TSPAN5: variants seen among roughly 807,000 people sequenced by gnomAD.
TSPAN5 encodes the protein tetraspanin 5, also known as tetraspanin-5.
In TSPAN5, 10 loss-of-function variants were observed where a neutral mutation model predicts 37.1. That is an observed-to-expected ratio of 0.27 (90% CI 0.17 to 0.46). The LOEUF (loss-of-function observed/expected upper bound fraction) is 0.46, where lower values mean the gene tolerates loss of function less well. Among genes scored for constraint, TSPAN5 ranks in the 20% least tolerant of loss-of-function variants. TSPAN5 has a pLI of 1.00. For synonymous variants in TSPAN5, 110 were observed against 118.9 expected (o/e 0.93, Z 0.48); for missense variants, 195 against 326.6 (o/e 0.60, Z 3.11).
intron 1 of TSPAN5, among the ~76,000 whole-genome samples, chr4:98,559,112 A>C (rs1393876255): frequency 6.8e-6 from 1 of 146,712 alleles, no homozygotes. Context: ...ACACCGTGGG[A>C]AACAAGCCTT....
At chr4:98,565,728 G>C in intron 1 of TSPAN5, among the ~76,000 whole-genome samples, 1 of 152,176 alleles carries the variant, frequency 6.6e-6, no homozygotes, top group Non-Finnish European at 1.5e-5. Context: ...GAGGCTGTCT[G>C]AGAGTCACAT....
intron 1 of TSPAN5, among the ~76,000 whole-genome samples, chr4:98,519,435 T>C (rs1753807079): frequency 6.6e-6 from 1 of 151,990 alleles, no homozygotes; most frequent in African/African-American, 2.4e-5. Flanking sequence ...GAGTTCAAGG[T>C]TACATTGAGG....
At chr4:98,476,130 G>T in intron 7 of TSPAN5, 59 bp downstream of exon 7, 2 of 1,353,712 alleles carry the variant, frequency 1.5e-6, no homozygotes, top group Non-Finnish European at 2.1e-6. Context: ...TCCGATCCTG[G>T]CAAGGGCTCT....
intron 1 of TSPAN5, among the ~76,000 whole-genome samples, chr4:98,630,007 C>A (rs1756704472): frequency 6.6e-6 from 1 of 152,190 alleles, no homozygotes; most frequent in African/African-American, 2.4e-5. Context: ...ACTCGACTAA[C>A]CAACCCAAAC....
At chr4:98,631,204 G>A (rs546633224) in intron 1 of TSPAN5, among the ~76,000 whole-genome samples, 5 of 152,076 alleles carry the variant, frequency 3.3e-5, no homozygotes, top group East Asian at 1.9e-4. Flanking sequence ...CAAGGCCTGC[G>A]CATCTCCTAC....
At chr4:98,507,918 G>T (rs767158184) in intron 1 of TSPAN5, among the ~76,000 whole-genome samples, 190 bp from the exon 2 acceptor site, 6 of 152,140 alleles carry the variant, frequency 3.9e-5, no homozygotes, top group Non-Finnish European at 8.8e-5. Flanking sequence ...CATTAAGAAG[G>T]GCTGGAGACA....
chr4:98,612,062 T>A (rs2110235635), intron 1 of TSPAN5, among the ~76,000 whole-genome samples: 1 of 152,282 alleles, frequency 6.6e-6, no homozygotes, highest in South Asian at 2.1e-4. Flanking sequence ...GGAATCCTAA[T>A]TCTACACAGA....
intron 1 of TSPAN5, among the ~76,000 whole-genome samples, chr4:98,544,291 A>T (rs6846101): frequency 0.16 from 23,846 of 152,156 alleles, 2,076 homozygotes; most frequent in South Asian, 0.24. Context: ...ATGTGCCCTC[A>T]ATTTCACTGG....
chr4:98,519,347 A>G (rs1048871617), intron 1 of TSPAN5, among the ~76,000 whole-genome samples: 3 of 152,092 alleles, frequency 2.0e-5, no homozygotes, highest in African/African-American at 7.2e-5. Context: ...AAAATTAAAA[A>G]GATTAGCCGG....
At chr4:98,652,725 C>A (rs1401645776) in intron 1 of TSPAN5, among the ~76,000 whole-genome samples, 3 of 152,118 alleles carry the variant, frequency 2.0e-5, no homozygotes, top group Non-Finnish European at 4.4e-5. Flanking sequence ...GGGGTGCTTA[C>A]AAGAAAAACA....
At chr4:98,479,887 A>G (rs1271056372) in intron 4 of TSPAN5, among the ~76,000 whole-genome samples, 1 of 152,228 alleles carries the variant, frequency 6.6e-6, no homozygotes, top group Non-Finnish European at 1.5e-5. Context: ...ACTTTTGCAT[A>G]CAGATGTTAT....
At chr4:98,578,129 T>A (rs924648879) in intron 1 of TSPAN5, among the ~76,000 whole-genome samples, 4 of 152,202 alleles carry the variant, frequency 2.6e-5, no homozygotes, top group Admixed American at 2.0e-4. Context: ...CAAGCAGTTA[T>A]GCAGAATTAA....
chr4:98,523,443 G>T (rs932631556), intron 1 of TSPAN5, among the ~76,000 whole-genome samples: 2 of 151,230 alleles, frequency 1.3e-5, no homozygotes, highest in African/African-American at 2.4e-5. Context: ...AAAAATTATG[G>T]TTTTTTTTTG....
At chr4:98,585,254 G>A (rs2110200401) in intron 1 of TSPAN5, among the ~76,000 whole-genome samples, 1 of 152,218 alleles carries the variant, frequency 6.6e-6, no homozygotes. Context: ...TAACAAACAA[G>A]CAATACTTCA....
At chr4:98,650,634 C>A (rs1267764444) in intron 1 of TSPAN5, among the ~76,000 whole-genome samples, 1 of 152,198 alleles carries the variant, frequency 6.6e-6, no homozygotes, top group Non-Finnish European at 1.5e-5. Flanking sequence ...TACAGAATTA[C>A]AGATGTACAT....
At chr4:98,632,566 C>A (rs1033730511) in intron 1 of TSPAN5, among the ~76,000 whole-genome samples, 1 of 152,148 alleles carries the variant, frequency 6.6e-6, no homozygotes, top group African/African-American at 2.4e-5. Context: ...ACCTATGGAG[C>A]ACTTCGAAAA....
At chr4:98,485,112 TAA>T (rs34892296) in intron 3 of TSPAN5, 58,332 of 145,648 alleles carry the variant, frequency 0.4, 12,638 homozygotes, top group African/African-American at 0.62. Flanking sequence ...AAACTCCATC[TAA>T]AAAAAAAAAA....
chr4:98,610,738 C>T (rs912034544), intron 1 of TSPAN5, among the ~76,000 whole-genome samples: 9 of 152,158 alleles, frequency 5.9e-5, no homozygotes, highest in Non-Finnish European at 1.5e-5. Context: ...CTTCATTATA[C>T]ATCTCTGTTA....
intron 1 of TSPAN5, among the ~76,000 whole-genome samples, chr4:98,618,485 T>C (rs1412514780): frequency 6.6e-6 from 1 of 152,238 alleles, no homozygotes; most frequent in Non-Finnish European, 1.5e-5. Flanking sequence ...TAATAACTAA[T>C]ATTGATTGAG....
Sources: gnomAD v4.1 joint callset for allele counts (sites outside exome capture counted in the v4.1 genomes callset) on GRCh38, gnomAD v4.1.1 for gene constraint, MANE v1.5 for transcripts, NCBI Gene and HGNC (gene_info 2026-07-23, HGNC 2026-07-21) for gene names.